The following ZFHX3 variants were observed in gnomAD, a reference collection of about 807,000 sequenced individuals.
ZFHX3 encodes zinc finger homeobox protein 3.
A neutral mutation model predicts 279.1 loss-of-function variants in ZFHX3; 42 were observed. That is an observed-to-expected ratio of 0.15 (90% confidence interval 0.12 to 0.19). The LOEUF is 0.19. Ranked by LOEUF, ZFHX3 falls within the 10% of genes least tolerant of loss-of-function variation. The pLI is 1.00. For missense variants in ZFHX3, 4,981 were observed against 4,754.0 expected, an observed-to-expected ratio of 1.05 and a Z score of -1.40; for synonymous variants, 2,293 against 1,957.8, an observed-to-expected ratio of 1.17 and a Z score of -4.52.
chr16:72,979,151 A>C (rs1962483201), intron 1 of ZFHX3, among the ~76,000 whole-genome samples: 1 of 152,232 alleles, frequency 6.6e-6, no homozygotes, highest in African/African-American at 2.4e-5. Flanking sequence ...ACTCTTTTAC[A>C]GATGTAGCAG....
At chr16:73,110,844 G>A (rs762069636) in intron 7 of ZFHX3, among the ~76,000 whole-genome samples, 3 of 152,186 alleles carry the variant, frequency 2.0e-5, no homozygotes, top group African/African-American at 4.8e-5. Flanking sequence ...GATTATAGGT[G>A]TGAACCACCG....
At chr16:72,968,755 G>A (rs1199051590) in intron 1 of ZFHX3, among the ~76,000 whole-genome samples, 1 of 152,120 alleles carries the variant, frequency 6.6e-6, no homozygotes, top group Non-Finnish European at 1.5e-5. Flanking sequence ...GAGCCACTGT[G>A]CCCAGCCTCA....
At chr16:73,795,304 C>A (rs1408958338) in intron 1 of ZFHX3, among the ~76,000 whole-genome samples, 3 of 152,196 alleles carry the variant, frequency 2.0e-5, no homozygotes, top group African/African-American at 7.2e-5. Flanking sequence ...AGAGCAGATT[C>A]ATTCTCTTCG....
chr16:73,638,813 C>G (rs74030142), intron 2 of ZFHX3, among the ~76,000 whole-genome samples: 3 of 152,154 alleles, frequency 2.0e-5, no homozygotes, highest in African/African-American at 7.2e-5. Context: ...AATCAAGAAC[C>G]ATGTTTCTTT....
At chr16:73,591,553 C>A (rs1291350556) in intron 2 of ZFHX3, among the ~76,000 whole-genome samples, 1 of 151,132 alleles carries the variant, frequency 6.6e-6, no homozygotes, top group Non-Finnish European at 1.5e-5. Context: ...ATTAGCAGGG[C>A]ATGGTGGCGG....
chr16:72,866,085 G>A (rs2038015855), intron 4 of ZFHX3, among the ~76,000 whole-genome samples: 3 of 152,188 alleles, frequency 2.0e-5, no homozygotes, highest in African/African-American at 7.2e-5. Context: ...GGAAAAAAAG[G>A]AACAAAGAAA....
chr16:73,890,903 A>T (rs1257083098), intron 1 of ZFHX3, among the ~76,000 whole-genome samples: 2 of 151,530 alleles, frequency 1.3e-5, no homozygotes, highest in African/African-American at 4.9e-5. Flanking sequence ...CAATAAAGAG[A>T]TGCATTCTGT....
chr16:72,793,164 A>G lies in ZFHX3; in HGVS notation c.9427+91T>C. On this transcript the variant is annotated intron_variant, in intron 9 of 9. Transcript: ENST00000268489. This position sits in a 1 kb window ranked among gnomAD's most constrained non-coding sequence, Gnocchi z 4.3. ...AGAAAGGTAAGCTTCCCATCTGCCC[A>G]GCACTCAGAGGGTTTGGGTGGTATC... 1 of 1,515,536 alleles carries G rather than the reference A, an allele frequency of 6.6e-7. No homozygotes were observed. 93.9% of individuals were successfully genotyped at this position (1,515,536 alleles called of 1,614,324 possible).
At chr16:73,353,438 C>G (rs372418283) in intron 3 of ZFHX3, among the ~76,000 whole-genome samples, 2 of 152,220 alleles carry the variant, frequency 1.3e-5, no homozygotes, top group Non-Finnish European at 2.9e-5. Flanking sequence ...GAAGCCCAAA[C>G]TAACACAATA....
intron 1 of ZFHX3, among the ~76,000 whole-genome samples, chr16:73,848,821 G>A (rs998571737): frequency 5.3e-5 from 8 of 152,194 alleles, no homozygotes; most frequent in Admixed American, 1.3e-4. Flanking sequence ...TCTTCCTTAT[G>A]TTGAAACAGC....
At chr16:72,951,092 T>G in intron 2 of ZFHX3, 127 bp from the exon 3 acceptor site, 1 of 1,326,146 alleles carries the variant, frequency 7.5e-7, no homozygotes, top group Non-Finnish European at 1.0e-6. Flanking sequence ...TTTCAAGTGT[T>G]GCAAAGGGCT....
intron 1 of ZFHX3, chr16:72,973,479 C>T (rs1360541163): frequency 6.6e-6 from 1 of 152,272 alleles, no homozygotes; most frequent in Non-Finnish European, 1.5e-5. Context: ...CAACTCTGTT[C>T]CCACAACCCC....
intron 3 of ZFHX3, among the ~76,000 whole-genome samples, chr16:72,931,580 A>C (rs1297715319): frequency 6.6e-6 from 1 of 151,994 alleles, no homozygotes; most frequent in Non-Finnish European, 1.5e-5. Flanking sequence ...AAAAAAAAAA[A>C]AAAAGTTTCA....
chr16:73,440,617 C>T (rs2018075925), intron 3 of ZFHX3, among the ~76,000 whole-genome samples: 1 of 152,188 alleles, frequency 6.6e-6, no homozygotes. Flanking sequence ...TGGTGCCTGC[C>T]TCTACCTACC....
intron 1 of ZFHX3, among the ~76,000 whole-genome samples, chr16:73,739,651 T>A (rs1016866995): frequency 1.3e-5 from 2 of 152,018 alleles, no homozygotes; most frequent in African/African-American, 2.4e-5. Context: ...GACTCTTCTG[T>A]CTATTGACTA....
intron 1 of ZFHX3, among the ~76,000 whole-genome samples, chr16:73,689,810 G>GTTTTTTTTTTT (rs1567552757): frequency 6.7e-6 from 1 of 149,688 alleles, no homozygotes; most frequent in African/African-American, 2.5e-5. Flanking sequence ...ACAGTTTTTT[G>GTTTTTTTTTTT]TTTTTTGTTT....
At chr16:72,851,680 G>A (rs2037620977) in intron 4 of ZFHX3, among the ~76,000 whole-genome samples, 3 of 151,856 alleles carry the variant, frequency 2.0e-5, no homozygotes, top group African/African-American at 2.4e-5. Flanking sequence ...TCAGCCTCCC[G>A]AGTAGCTGGG....
At chr16:73,373,314 T>C (rs1350458789) in intron 3 of ZFHX3, among the ~76,000 whole-genome samples, 2 of 152,056 alleles carry the variant, frequency 1.3e-5, no homozygotes, top group African/African-American at 4.8e-5. Flanking sequence ...GAATTTTGGG[T>C]GAGATGGATC....
rs529470478 is a variant in ZFHX3, at chr16:72,983,473, G to A, written c.-49-23279C>T. ...TGTAATCCTAGCATTTTGGGAGGCC[G>A]AGGCGGGAGGATCACTTGAGCCTGG... On this transcript the variant is annotated intron_variant, in intron 1 of 9. Coordinates refer to ENST00000268489, the MANE Select transcript of ZFHX3 (RefSeq NM_006885.4). 3.9e-5 allele frequency among the ~76,000 whole-genome samples: 6 copies of A among 152,298 alleles called. No individual in the cohort carries two copies. In the East Asian group the frequency reaches 9.7e-4, roughly 25 times the overall value.
Sources: gnomAD v4.1 joint callset for allele counts (sites outside exome capture counted in the v4.1 genomes callset) on GRCh38, gnomAD v4.1.1 for gene constraint, Gnocchi (gnomAD v3.1) non-coding constraint, MANE v1.5 for transcripts, NCBI Gene and HGNC (gene_info 2026-07-23, HGNC 2026-07-21) for gene names.